The following PEPD variants were observed in gnomAD, a reference collection of about 807,000 sequenced individuals.
PEPD encodes the protein xaa-Pro dipeptidase.
In PEPD, 53 loss-of-function variants were observed where a neutral mutation model predicts 60.7. The ratio of observed to expected loss-of-function variants is 0.87; its 90% CI spans 0.70 to 1.10. The LOEUF is 1.10. Among genes scored for constraint, PEPD ranks in the 50% least tolerant of loss-of-function variants. PEPD has a pLI of 0.00. For missense variants in PEPD, 711 were observed against 711.9 expected (o/e 1.00, Z 0.01); for synonymous variants, 267 against 284.1 (o/e 0.94, Z 0.60).
intron 6 of PEPD, among the ~76,000 whole-genome samples, chr19:33,488,837 C>T (rs1321078467): frequency 6.6e-6 from 1 of 152,142 alleles, no homozygotes; most frequent in Non-Finnish European, 1.5e-5. Flanking sequence ...TCCATCACTG[C>T]CTTGGTCCAC....
chr19:33,475,888 C>T (rs562688912), intron 7 of PEPD, among the ~76,000 whole-genome samples: 1 of 152,282 alleles, frequency 6.6e-6, no homozygotes, highest in South Asian at 2.1e-4. Flanking sequence ...GAGACAAGGT[C>T]TCGCTCTGTC....
chr19:33,497,372 C>T (rs781651811), intron 4 of PEPD, among the ~76,000 whole-genome samples: 1 of 152,276 alleles, frequency 6.6e-6, no homozygotes, highest in Non-Finnish European at 1.5e-5. Flanking sequence ...AGCTCTCAGC[C>T]GGTGATCCCG....
At chr19:33,434,345 G>T (rs1969334520) in intron 9 of PEPD, among the ~76,000 whole-genome samples, 1 of 152,172 alleles carries the variant, frequency 6.6e-6, no homozygotes, top group Non-Finnish European at 1.5e-5. Context: ...GGGGCGCCAG[G>T]CATGGAATGC....
intron 12 of PEPD, among the ~76,000 whole-genome samples, chr19:33,393,243 T>G (rs2145331296): frequency 7.7e-6 from 1 of 129,796 alleles, no homozygotes; most frequent in South Asian, 2.5e-4. Flanking sequence ...GGGTCTGGGG[T>G]CTGGGGTCTG....
At chr19:33,444,266 C>A (rs935706336) in intron 9 of PEPD, among the ~76,000 whole-genome samples, 5 of 147,624 alleles carry the variant, frequency 3.4e-5, no homozygotes, top group African/African-American at 1.2e-4. Context: ...CCCAGCCAGG[C>A]TGGGACAGAA....
At chr19:33,437,978 A>G (rs1211856664) in intron 9 of PEPD, among the ~76,000 whole-genome samples, 2 of 152,262 alleles carry the variant, frequency 1.3e-5, no homozygotes, top group African/African-American at 2.4e-5. Context: ...AGAAAGGGAC[A>G]GAAAAAACAA....
At chr19:33,442,662 T>C (rs999513124) in intron 9 of PEPD, among the ~76,000 whole-genome samples, 30 of 152,120 alleles carry the variant, frequency 2.0e-4, no homozygotes, top group Admixed American at 5.9e-4. Context: ...TGAGCCGAGA[T>C]TGTGCCACTG....
At chr19:33,485,327 T>C (rs1483035377) in intron 6 of PEPD, among the ~76,000 whole-genome samples, 3 of 151,976 alleles carry the variant, frequency 2.0e-5, no homozygotes, top group African/African-American at 7.3e-5. Flanking sequence ...ACGCTGTCTC[T>C]ACTAAAAATA....
intron 9 of PEPD, among the ~76,000 whole-genome samples, chr19:33,459,530 C>T (rs1320541627): frequency 6.6e-6 from 1 of 152,114 alleles, no homozygotes; most frequent in Non-Finnish European, 1.5e-5. Flanking sequence ...TGTTAGAGCC[C>T]AATTTACCCA....
At chr19:33,465,341 C>G (rs1174917182) in intron 7 of PEPD, among the ~76,000 whole-genome samples, 1 of 152,142 alleles carries the variant, frequency 6.6e-6, no homozygotes, top group African/African-American at 2.4e-5. Flanking sequence ...CAGGCAAACG[C>G]AGCTTCCCTT....
chr19:33,488,560 G>A, intron 6 of PEPD, among the ~76,000 whole-genome samples: 1 of 152,146 alleles, frequency 6.6e-6, no homozygotes, highest in Non-Finnish European at 1.5e-5. Flanking sequence ...AGAGAGAGCA[G>A]CTCCATGGCC....
chr19:33,387,640 A>T, intron 14 of PEPD, 159 bp from the exon 15 acceptor site: 1 of 939,708 alleles, frequency 1.1e-6, no homozygotes, highest in Non-Finnish European at 1.7e-6. Context: ...CCATCTGCCC[A>T]TGTCACCTGC....
intron 9 of PEPD, among the ~76,000 whole-genome samples, chr19:33,451,332 G>T (rs1969696135): frequency 6.6e-6 from 1 of 152,092 alleles, no homozygotes; most frequent in Admixed American, 6.6e-5. Context: ...AGGAAAATTA[G>T]AAACTTAAAA....
At chr19:33,418,327 C>T (rs997723973) in intron 9 of PEPD, among the ~76,000 whole-genome samples, 1 of 152,224 alleles carries the variant, frequency 6.6e-6, no homozygotes, top group African/African-American at 2.4e-5. Flanking sequence ...AAGGGCCATA[C>T]AGTCCTGCAG....
At chr19:33,417,348 G>A (rs551290607) in intron 9 of PEPD, among the ~76,000 whole-genome samples, 1 of 152,308 alleles carries the variant, frequency 6.6e-6, no homozygotes, top group African/African-American at 2.4e-5. Context: ...CCCTCAGCTG[G>A]GCAGAGGGCT....
intron 7 of PEPD, among the ~76,000 whole-genome samples, chr19:33,467,156 CAAAAA>C (rs72043066): frequency 8.1e-6 from 1 of 123,700 alleles, no homozygotes; most frequent in Non-Finnish European, 1.7e-5. Context: ...GACTCCGTCT[CAAAAA>C]AAAAAAAAAA....
In PEPD at chr19:33,413,637, G is replaced by A. The variant is rs746307467; in HGVS notation, c.678C>T (p.Phe226=). 2.7e-5 allele frequency: 43 copies of A among 1,582,924 alleles called. No individual in the cohort carries two copies. Among genetic ancestry groups the A allele is most frequent in the Admixed American group, 1.2e-4 (7 of 56,726 alleles). ...GMKEYELESL[F]EHYCYSRGGM... is the part of the protein sequence containing the mutation. ...CGCCCCGGGAGTAGCAGTAGTGCTC[G>A]AAGAGGCTGCAGGGGGAGAGACGCG... The change falls in exon 10 of 15, where the codon TTC becomes TTT. Residue 226 remains phenylalanine, a synonymous_variant. Transcript: ENST00000244137.
intron 9 of PEPD, among the ~76,000 whole-genome samples, chr19:33,424,450 T>TG (rs1969098729): frequency 6.6e-6 from 1 of 152,210 alleles, no homozygotes; most frequent in African/African-American, 2.4e-5. Context: ...TGACTTATTC[T>TG]GGGATCCACA....
chr19:33,395,908 C>T (rs1968348219), intron 12 of PEPD, among the ~76,000 whole-genome samples: 1 of 152,192 alleles, frequency 6.6e-6, no homozygotes, highest in Non-Finnish European at 1.5e-5. Context: ...GGACCTCCAG[C>T]TCACCCCACC....
Sources: gnomAD v4.1 joint callset for allele counts (sites outside exome capture counted in the v4.1 genomes callset) on GRCh38, gnomAD v4.1.1 for gene constraint, MANE v1.5 for transcripts, NCBI Gene and HGNC (gene_info 2026-07-23, HGNC 2026-07-21) for gene names.